Variants in MTHFD1 observed in about 807,000 individuals in gnomAD.
MTHFD1 encodes the protein methylenetetrahydrofolate dehydrogenase, cyclohydrolase and formyltetrahydrofolate synthetase 1, also known as C-1-tetrahydrofolate synthase, cytoplasmic.
In MTHFD1, 44 loss-of-function variants were observed where a neutral mutation model predicts 110.3. The ratio of observed to expected loss-of-function variants is 0.40; its 90% CI spans 0.31 to 0.51. MTHFD1 has a LOEUF of 0.51. Among genes scored for constraint, MTHFD1 ranks in the 20% least tolerant of loss-of-function variants. The pLI is 0.60. For missense variants in MTHFD1, 909 were observed against 1,173.1 expected (o/e 0.77, Z 3.29); for synonymous variants, 402 against 428.8 (o/e 0.94, Z 0.77).
At chr14:64,423,493 C>G (rs962091221) in intron 8 of MTHFD1, among the ~76,000 whole-genome samples, 1 of 151,666 alleles carries the variant, frequency 6.6e-6, no homozygotes, top group Non-Finnish European at 1.5e-5. Flanking sequence ...CTCCCGGGTT[C>G]AAGTGAGTCT....
At chr14:64,453,557 G>GA (rs923717563) in intron 24 of MTHFD1, among the ~76,000 whole-genome samples, 197 bp from the exon 25 acceptor site, 1 of 152,068 alleles carries the variant, frequency 6.6e-6, no homozygotes, top group Non-Finnish European at 1.5e-5. Flanking sequence ...GCAACAGAGC[G>GA]AAACTCCGTC....
At chr14:64,422,012 A>C (rs1268123575) in intron 8 of MTHFD1, among the ~76,000 whole-genome samples, 1 of 152,152 alleles carries the variant, frequency 6.6e-6, no homozygotes, top group East Asian at 1.9e-4. Context: ...GAAATGGAGA[A>C]GAAAAACCTG....
At chr14:64,390,674 G>A (rs1260699415) in intron 1 of MTHFD1, among the ~76,000 whole-genome samples, 3 of 151,970 alleles carry the variant, frequency 2.0e-5, no homozygotes, top group African/African-American at 7.3e-5. Context: ...TTGAGACAGA[G>A]TTTCACTCTT....
At chr14:64,392,295 G>A (rs1029614681) in intron 1 of MTHFD1, among the ~76,000 whole-genome samples, 1 of 152,184 alleles carries the variant, frequency 6.6e-6, no homozygotes, top group Non-Finnish European at 1.5e-5. Context: ...GAAGGGTGGT[G>A]TCTTTTAAAA....
rs1268616159 is a variant in MTHFD1, at chr14:64,442,040, C to T, written c.1885-14C>T. 1.3e-6 allele frequency: 2 copies of T among 1,593,794 alleles called. No individual in the cohort carries two copies. The highest frequency in any genetic ancestry group is 1.7e-6 in the Non-Finnish European group (2 of 1,161,604). On this transcript the variant is annotated splice_polypyrimidine_tract_variant and intron_variant, in intron 19 of 27. Coordinates refer to ENST00000652337, the MANE Select transcript of MTHFD1 (RefSeq NM_005956.4). ...GGATTGGCAGCTCAGCTCACGGTGT[C>T]CTGGTTTCCACAGGGCACTCCAGTG...
intron 17 of MTHFD1, 152 bp from the exon 18 acceptor site, chr14:64,439,974 T>G (rs2078235623): frequency 1.8e-6 from 1 of 559,444 alleles, no homozygotes; most frequent in African/African-American, 1.9e-5. Flanking sequence ...TATTAGAGGA[T>G]TATTTTCATT....
In MTHFD1 at chr14:64,459,792, G is replaced by C. The variant is rs956511878; in HGVS notation, c.*38G>C. On this transcript the variant is annotated 3_prime_UTR_variant, in exon 28 of 28. Transcript: ENST00000652337. ...CCATCTTCAAGAAGCTACTTTGAAA[G>C]TCTGGCCAGTGTCTATTCAGGCCCA... 34 of 1,535,634 alleles carry C rather than the reference G, an allele frequency of 2.2e-5. No individual in the cohort carries two copies. The African/African-American group carries it at 4.5e-4, about 20-fold the overall frequency.
intron 1 of MTHFD1, among the ~76,000 whole-genome samples, chr14:64,391,961 T>C (rs73271893): frequency 0.058 from 8,795 of 152,200 alleles, 454 homozygotes; most frequent in African/African-American, 0.14. Flanking sequence ...GTGAAACACA[T>C]TGTGAGCTGG....
Position 64,388,628 on chromosome 14 carries a change from C to A in MTHFD1, c.41+160C>A, listed in dbSNP as rs188323861. Reference sequence around the variant, plus strand: ...CAGCCAAAGAAAGAGAACCCGGGCACAACCTGCGTTTGCAAGTGGACTGCC... The same window carrying A: ...CAGCCAAAGAAAGAGAACCCGGGCAAAACCTGCGTTTGCAAGTGGACTGCC... On this transcript the variant is annotated intron_variant, in intron 1 of 27. Coordinates refer to ENST00000652337, the MANE Select transcript of MTHFD1 (RefSeq NM_005956.4). 65 of 736,264 alleles carry A rather than the reference C, an allele frequency of 8.8e-5. No homozygotes were observed. The African/African-American group carries it at 9.7e-4, about 11-fold the overall frequency. 45.6% of individuals were successfully genotyped at this position (736,264 alleles called of 1,614,324 possible).
chr14:64,449,339 G>A (rs2078334779), intron 23 of MTHFD1, 106 bp from the exon 24 acceptor site: 3 of 1,342,262 alleles, frequency 2.2e-6, no homozygotes, highest in Non-Finnish European at 3.2e-6. Context: ...CTTGGTTAGT[G>A]TTCGTTTATC....
At chr14:64,443,955 A>G (rs1437656061) in intron 21 of MTHFD1, among the ~76,000 whole-genome samples, 1 of 152,100 alleles carries the variant, frequency 6.6e-6, no homozygotes, top group Non-Finnish European at 1.5e-5. Flanking sequence ...CCCCTTCTGG[A>G]GTTGGAGCAC....
chr14:64,431,005 C>T (rs60989380), intron 13 of MTHFD1, among the ~76,000 whole-genome samples: 9,386 of 151,412 alleles, frequency 0.062, 503 homozygotes, highest in African/African-American at 0.16. Context: ...ACTGCAAGTT[C>T]TGTATTTGGG....
chr14:64,404,426 C>T (rs566611687), intron 2 of MTHFD1, among the ~76,000 whole-genome samples: 1 of 152,332 alleles, frequency 6.6e-6, no homozygotes, highest in South Asian at 2.1e-4. Flanking sequence ...ATTTAGGTCT[C>T]TATCCAGTAT....
chr14:64,406,881 A>C (rs8003379), intron 2 of MTHFD1, among the ~76,000 whole-genome samples: 33,952 of 152,146 alleles, frequency 0.22, 3,962 homozygotes, highest in Non-Finnish European at 0.25. Context: ...ACGATGTAGG[A>C]GATGTCCCCT....
At chr14:64,444,821 T>C (rs1042094687) in intron 22 of MTHFD1, 87 bp downstream of exon 22, 24 of 1,465,650 alleles carry the variant, frequency 1.6e-5, no homozygotes, top group Non-Finnish European at 2.3e-5. Flanking sequence ...TGGAAATGAA[T>C]GGGTTATTGC....
At position 64,448,214 on chromosome 14, in the gene MTHFD1, C is replaced by G; in HGVS notation, c.2179-3C>G. On this transcript the variant is annotated splice_polypyrimidine_tract_variant and splice_region_variant and intron_variant, in intron 22 of 27. Coordinates refer to ENST00000652337, the MANE Select transcript of MTHFD1 (RefSeq NM_005956.4). ...CATAGGCCTTTCACTGTTGTTTTTA[C>G]AGAACCTGGAGCTGGTTGAAAAAGG... The G allele has an allele frequency of 6.2e-7, 1 of 1,612,088 alleles. No individual in the cohort carries two copies. Among genetic ancestry groups the G allele is most frequent in the East Asian group, 2.2e-5 (1 of 44,876 alleles).
intron 22 of MTHFD1, 77 bp from the exon 23 acceptor site, chr14:64,448,140 T>G (rs1596556546): frequency 9.9e-7 from 1 of 1,014,404 alleles, no homozygotes. Flanking sequence ...CTCAAGGAGG[T>G]TGTTTGCCTT....
Position 64,424,927 on chromosome 14 carries a change from T to C in MTHFD1, c.851T>C (p.Met284Thr). ...GVGPMTVAMLMQSTVESAKRF... is the reference protein window; with the variant it reads ...GVGPMTVAMLTQSTVESAKRF... ...GGGCCCATGACAGTTGCAATGCTCATGCAGGTAATTGTGAATAAAAGTTTC... is the reference window on the plus strand; with the variant it reads ...GGGCCCATGACAGTTGCAATGCTCACGCAGGTAATTGTGAATAAAAGTTTC... The change falls in exon 9 of 28, where the codon ATG (methionine) becomes ACG (threonine). Residue 284 changes from methionine (M) to threonine (T), a missense_variant. Physicochemically the swap from Met to Thr is moderately conservative, Grantham distance 81 (BLOSUM62 -1). Coordinates refer to ENST00000652337, the MANE Select transcript of MTHFD1 (RefSeq NM_005956.4). The C allele has an allele frequency of 6.2e-7, 1 of 1,614,214 alleles. No homozygotes were observed. The highest frequency in any genetic ancestry group is 8.5e-7 in the Non-Finnish European group (1 of 1,180,038).
intron 8 of MTHFD1, among the ~76,000 whole-genome samples, chr14:64,423,734 C>CT (rs767322155): frequency 0.011 from 1,660 of 147,760 alleles, 28 homozygotes; most frequent in South Asian, 0.09. Flanking sequence ...CAGCTAATCT[C>CT]TTTTTTTTCT....
Sources: allele counts gnomAD v4.1 joint callset (sites outside exome capture counted in the v4.1 genomes callset), GRCh38; gene constraint gnomAD v4.1.1; transcripts MANE v1.5; gene names NCBI Gene and HGNC (gene_info 2026-07-23, HGNC 2026-07-21).